CNOT2: variants seen among roughly 807,000 people sequenced by gnomAD.
CNOT2 encodes the protein CCR4-NOT transcription complex subunit 2, also known as CC chemokine receptor 4-negative regulator of transcription 2.
CNOT2 carries 7 observed loss-of-function variants against 72.1 expected under a neutral mutation model. That is an observed-to-expected ratio of 0.10 (90% CI 0.06 to 0.18). CNOT2 has a LOEUF of 0.18. CNOT2 is among the 10% of genes least tolerant of loss of function. CNOT2 has a pLI of 1.00. For missense variants in CNOT2, 345 were observed against 660.3 expected (o/e 0.52, Z 5.23); for synonymous variants, 196 against 225.6 (o/e 0.87, Z 1.17).
Position 70,268,253 on chromosome 12 carries a change from T to C in CNOT2, c.-95-9879T>C, listed in dbSNP as rs574637615. Among the ~76,000 whole-genome samples, 3 of 152,338 alleles carry C rather than the reference T, an allele frequency of 2.0e-5. No homozygotes were observed. In the South Asian group the frequency reaches 6.2e-4, roughly 32 times the overall value. On this transcript the variant is annotated intron_variant, in intron 1 of 15. Transcript: ENST00000229195. Reference sequence around the variant, plus strand: ...TCCATGTAGAATTCTGGGTGGACAGTTCTCTCGGTAGCAATTAGCTAGAGT... The same window carrying C: ...TCCATGTAGAATTCTGGGTGGACAGCTCTCTCGGTAGCAATTAGCTAGAGT...
chr12:70,344,331 C>A, intron 14 of CNOT2, 103 bp downstream of exon 14: 1 of 676,002 alleles, frequency 1.5e-6, no homozygotes, highest in South Asian at 1.9e-5. Context: ...AACTATTTCT[C>A]CATCAAGAAA....
At chr12:70,305,981 C>G (rs770434149) in intron 2 of CNOT2, among the ~76,000 whole-genome samples, 15 of 131,018 alleles carry the variant, frequency 1.1e-4, no homozygotes, top group Non-Finnish European at 2.2e-4. Context: ...CTTAGGAATT[C>G]ATAGCTAGTC....
intron 4 of CNOT2, among the ~76,000 whole-genome samples, chr12:70,327,913 A>C (rs756308077): frequency 5.9e-5 from 9 of 151,958 alleles, no homozygotes; most frequent in Non-Finnish European, 1.0e-4. Flanking sequence ...TCTTCTGAAG[A>C]AATCTTAAGC....
chr12:70,350,004 T>G (rs181206729), intron 15 of CNOT2, among the ~76,000 whole-genome samples: 1 of 147,204 alleles, frequency 6.8e-6, no homozygotes, highest in East Asian at 2.0e-4. Flanking sequence ...CCAGATCCTA[T>G]TTTTTTTTTT....
intron 2 of CNOT2, 183 bp downstream of exon 2, chr12:70,278,457 A>G: frequency 2.0e-6 from 1 of 500,092 alleles, no homozygotes; most frequent in Non-Finnish European, 3.5e-6. Context: ...TTTTCAAAAT[A>G]AAGCATATTC....
At chr12:70,247,468 TC>T (rs1957934172) in intron 1 of CNOT2, among the ~76,000 whole-genome samples, 4 of 152,196 alleles carry the variant, frequency 2.6e-5, no homozygotes, top group Non-Finnish European at 5.9e-5. Context: ...TTCTTTTTAT[TC>T]ATGTGTATGT....
At chr12:70,270,587 C>A (rs1432769471) in intron 1 of CNOT2, among the ~76,000 whole-genome samples, 1 of 152,046 alleles carries the variant, frequency 6.6e-6, no homozygotes, top group East Asian at 1.9e-4. Flanking sequence ...GGAAAATATC[C>A]ATTTGTTAAA....
At chr12:70,286,156 G>A (rs147818772) in intron 2 of CNOT2, among the ~76,000 whole-genome samples, 6 of 146,700 alleles carry the variant, frequency 4.1e-5, no homozygotes, top group South Asian at 2.3e-4. Flanking sequence ...ACTTTATGAC[G>A]TTAGAGAAGT....
chr12:70,319,474 A>T, intron 4 of CNOT2, 110 bp downstream of exon 4: 1 of 1,016,400 alleles, frequency 9.8e-7, no homozygotes, highest in Non-Finnish European at 1.5e-6. Flanking sequence ...ATGACTTAAA[A>T]GGAAAAATGT....
At chr12:70,294,048 C>T in intron 2 of CNOT2, 2 of 1,125,962 alleles carry the variant, frequency 1.8e-6, no homozygotes, top group Non-Finnish European at 2.4e-6. Context: ...ATCTTTATAG[C>T]ATGATTTCCT....
intron 2 of CNOT2, among the ~76,000 whole-genome samples, chr12:70,298,692 G>A (rs1022821766): frequency 4.0e-5 from 6 of 149,802 alleles, no homozygotes; most frequent in African/African-American, 1.5e-4. Context: ...TGGGAGAAAG[G>A]GCATTTTAAG....
intron 3 of CNOT2, among the ~76,000 whole-genome samples, chr12:70,311,851 A>G (rs1876522855): frequency 1.3e-5 from 2 of 151,966 alleles, no homozygotes; most frequent in South Asian, 2.1e-4. Flanking sequence ...TGAGATTTAT[A>G]CTGATGTTTG....
intron 2 of CNOT2, among the ~76,000 whole-genome samples, chr12:70,293,914 C>CTT (rs34038348): frequency 9.8e-4 from 70 of 71,342 alleles, no homozygotes; most frequent in African/African-American, 8.8e-4. Flanking sequence ...GTGAGCACTG[C>CTT]TTTTTTTTTT....
At chr12:70,243,331 A>C (rs1223027109), upstream of CNOT2, 2 of 152,662 alleles carry the variant, frequency 1.3e-5, no homozygotes, top group East Asian at 3.9e-4. Flanking sequence ...GCCGTTTTGC[A>C]GTCGTCGCTC....
At chr12:70,313,515 T>G (rs1050097919) in intron 3 of CNOT2, among the ~76,000 whole-genome samples, 1 of 152,106 alleles carries the variant, frequency 6.6e-6, no homozygotes. Flanking sequence ...AGAAATGTGT[T>G]TTGGTTTAAC....
intron 2 of CNOT2, among the ~76,000 whole-genome samples, chr12:70,304,100 T>C (rs1874713540): frequency 6.6e-6 from 1 of 152,182 alleles, no homozygotes; most frequent in Non-Finnish European, 1.5e-5. Context: ...AGTTATCCAT[T>C]CGTCTAATTT....
At chr12:70,277,714 T>C (rs879826548) in intron 1 of CNOT2, among the ~76,000 whole-genome samples, 1 of 152,206 alleles carries the variant, frequency 6.6e-6, no homozygotes, top group Non-Finnish European at 1.5e-5. Context: ...ATCTATCATA[T>C]ATAATCATTT....
chr12:70,346,373 A>AGGAC, intron 15 of CNOT2, 49 bp downstream of exon 15: 1 of 1,490,306 alleles, frequency 6.7e-7, no homozygotes, highest in Non-Finnish European at 9.3e-7. Context: ...TTGAAAAAAG[A>AGGAC]AGTGTCCTCT....
chr12:70,337,267 T>G (rs1880829362), intron 8 of CNOT2, 122 bp from the exon 9 acceptor site: 1 of 716,070 alleles, frequency 1.4e-6, no homozygotes. Context: ...TGAAGTACGC[T>G]TTCATAGCAT....
Sources: allele counts gnomAD v4.1 joint callset (sites outside exome capture counted in the v4.1 genomes callset), GRCh38; gene constraint gnomAD v4.1.1; transcripts MANE v1.5; gene names NCBI Gene and HGNC (gene_info 2026-07-23, HGNC 2026-07-21).